TMEM164: variants seen among roughly 807,000 people sequenced by gnomAD.
TMEM164 encodes the protein RP13-360B22.2.
TMEM164 carries 4 observed loss-of-function variants against 18.8 expected under a neutral mutation model. The ratio of observed to expected loss-of-function variants is 0.21; its 90% CI spans 0.10 to 0.49. The LOEUF is 0.49. Ranked by LOEUF, TMEM164 falls within the 20% of genes least tolerant of loss-of-function variation. TMEM164 has a pLI of 0.98. For missense variants in TMEM164, 108 were observed against 239.9 expected (o/e 0.45, Z 3.63); for synonymous variants, 86 against 101.7 (o/e 0.85, Z 0.93).
intron 5 of TMEM164, among the ~76,000 whole-genome samples, chrX:110,153,116 G>A (rs1160881543): frequency 9.0e-6 from 1 of 111,500 alleles, no homozygotes; most frequent in Non-Finnish European, 1.9e-5. Context: ...CCAGCTGTGG[G>A]CCTAGAAACA....
intron 4 of TMEM164, among the ~76,000 whole-genome samples, chrX:110,124,176 A>C (rs5942894): frequency 0.25 from 19,546 of 76,857 alleles, 2,276 homozygotes; most frequent in Non-Finnish European, 0.31. Context: ...GGAAGGAAGG[A>C]AGGCAGGAAG....
At chrX:110,029,637 T>G (rs1020679158) in intron 2 of TMEM164, among the ~76,000 whole-genome samples, 1 of 112,157 alleles carries the variant, frequency 8.9e-6, no homozygotes, top group Non-Finnish European at 1.9e-5. Context: ...TCGAATGGAA[T>G]CAGACTATGT....
intron 2 of TMEM164, chrX:110,020,545 C>T (rs962042012): frequency 3.5e-4 from 263 of 752,620 alleles, no homozygotes; most frequent in South Asian, 1.2e-3. Context: ...AAGACTCTGA[C>T]GGAGCAGCCA....
intron 4 of TMEM164, among the ~76,000 whole-genome samples, chrX:110,115,584 A>G (rs865914614): frequency 3.6e-5 from 4 of 111,416 alleles, no homozygotes; most frequent in African/African-American, 1.3e-4. Flanking sequence ...TGAGGGTCTT[A>G]AATCCTTGAT....
chrX:110,184,132 G>T (rs1221534026), downstream of TMEM164, among the ~76,000 whole-genome samples: 1 of 110,757 alleles, frequency 9.0e-6, no homozygotes, highest in Non-Finnish European at 1.9e-5. Flanking sequence ...TGTTGATAGT[G>T]GGGTAGGCTG....
intron 2 of TMEM164, among the ~76,000 whole-genome samples, chrX:110,008,907 C>T (rs1012271100): frequency 2.7e-5 from 3 of 111,454 alleles, no homozygotes; most frequent in Non-Finnish European, 3.8e-5. Flanking sequence ...ACTCAGAAAC[C>T]GACAAAGCTC....
At chrX:110,079,144 T>C (rs756754745) in intron 3 of TMEM164, among the ~76,000 whole-genome samples, 5 of 111,374 alleles carry the variant, frequency 4.5e-5, no homozygotes, top group Non-Finnish European at 7.5e-5. Context: ...GTCAGGACTT[T>C]GAGATGATTG....
chrX:110,019,440 C>G lies in TMEM164; in HGVS notation c.390+15276C>G, dbSNP rs972828201. 2.7e-5 allele frequency among the ~76,000 whole-genome samples: 3 copies of G among 111,318 alleles called. No homozygotes were observed. The South Asian group carries it at 1.1e-3, about 42-fold the overall frequency. On this transcript the variant is annotated intron_variant, in intron 2 of 6. Transcript: ENST00000372068. ...TCATCACCTGTCTTGTTAGAGCAGC[C>G]TTGTGATTGATCTTCTCTCCTCTAT...
chrX:110,155,168 G>A (rs1201882399), intron 5 of TMEM164, among the ~76,000 whole-genome samples: 1 of 111,280 alleles, frequency 9.0e-6, no homozygotes, highest in African/African-American at 3.3e-5. Flanking sequence ...GTCAGTGGAT[G>A]TAACATTACT....
At chrX:110,179,022 G>A (rs924031580), downstream of TMEM164, among the ~76,000 whole-genome samples, 1 of 111,441 alleles carries the variant, frequency 9.0e-6, no homozygotes, top group African/African-American at 3.3e-5. Context: ...CAGTGGTGTG[G>A]AAGATGAGAG....
rs1263986271 is a variant in TMEM164, at chrX:110,084,481, G to GTATATATATATATATAT, written c.440+17085_440+17086insTATATATATATATATAT. ...ATAGTATAGTATATATATATATAGA[G>GTATATATATATATATAT]AGAGAGAGAGAGAGAGAGACATGGT... On this transcript the variant is annotated intron_variant, in intron 3 of 6. Coordinates refer to ENST00000372068, the MANE Select transcript of TMEM164 (RefSeq NM_032227.4). Among the ~76,000 whole-genome samples the GTATATATATATATATAT allele has an allele frequency of 1.5e-3, 70 of 46,450 alleles. 1 individual carries two copies. In the East Asian group the frequency reaches 0.018, roughly 12 times the overall value. The allele number at this position is 46,450 out of a possible 115,157, so 40.3% of individuals were successfully genotyped here. A position where few individuals can be genotyped will look rare whatever the true frequency, so the allele number is the denominator to read the frequency against.
intron 3 of TMEM164, among the ~76,000 whole-genome samples, chrX:110,076,788 T>C (rs1022412943): frequency 1.8e-5 from 2 of 112,360 alleles, no homozygotes; most frequent in Non-Finnish European, 3.8e-5. Context: ...TGGTATTGAT[T>C]TCTATTTTTA....
rs188820308 is a variant in TMEM164 at position 110,022,468 on chromosome X, C to T, written c.390+18304C>T. On this transcript the variant is annotated intron_variant, in intron 2 of 6. Coordinates refer to ENST00000372068, the MANE Select transcript of TMEM164 (RefSeq NM_032227.4). ...CCAGCACTAGGACCCATATCTGCCC[C>T]TTTTGAGCAGAGTGCCTGGCATATA... Among the ~76,000 whole-genome samples, 369 of 111,485 alleles carry T rather than the reference C, an allele frequency of 3.3e-3. 5 individuals are homozygous for T. Among genetic ancestry groups the T allele is most frequent in the African/African-American group, 0.012 (355 of 30,613 alleles).
At chrX:110,165,712 A>G (rs766936513) in intron 5 of TMEM164, among the ~76,000 whole-genome samples, 42 of 112,264 alleles carry the variant, frequency 3.7e-4, no homozygotes, top group African/African-American at 1.4e-3. Flanking sequence ...TGTAGTGGAT[A>G]GGCATTCAGT....
chrX:110,035,842 T>A (rs1934770865), intron 2 of TMEM164, among the ~76,000 whole-genome samples: 1 of 110,259 alleles, frequency 9.1e-6, no homozygotes, highest in South Asian at 3.9e-4. Context: ...GTGTTTCACA[T>A]TATTTTGTAG....
chrX:110,133,672 C>G (rs1403067032), intron 4 of TMEM164, among the ~76,000 whole-genome samples: 1 of 111,752 alleles, frequency 8.9e-6, no homozygotes, highest in Non-Finnish European at 1.9e-5. Context: ...CTTCACCCTC[C>G]TCCTTATCAT....
intron 3 of TMEM164, among the ~76,000 whole-genome samples, chrX:110,103,436 G>A (rs1602628799): frequency 1.8e-5 from 2 of 111,923 alleles, no homozygotes; most frequent in East Asian, 2.8e-4. Flanking sequence ...AATAGTTTCA[G>A]CAGGCCTCTA....
intron 3 of TMEM164, among the ~76,000 whole-genome samples, chrX:110,077,559 G>C (rs1441189586): frequency 8.9e-6 from 1 of 111,947 alleles, no homozygotes; most frequent in African/African-American, 3.2e-5. Context: ...TCTATGGGCT[G>C]TGTACTAAAA....
intron 4 of TMEM164, among the ~76,000 whole-genome samples, chrX:110,125,190 A>G (rs1206459907): frequency 8.9e-6 from 1 of 112,211 alleles, no homozygotes; most frequent in Admixed American, 9.5e-5. Flanking sequence ...ACAAAGTAGT[A>G]AATGCTCAAT....
Sources: allele counts gnomAD v4.1 joint callset (sites outside exome capture counted in the v4.1 genomes callset), GRCh38; gene constraint gnomAD v4.1.1; transcripts MANE v1.5; gene names NCBI Gene and HGNC (gene_info 2026-07-23, HGNC 2026-07-21).